SNX24: variants seen among roughly 807,000 people sequenced by gnomAD.
The protein encoded by SNX24 is sorting nexin-24.
SNX24 carries 22 observed loss-of-function variants against 28.7 expected under a neutral mutation model. That is an observed-to-expected ratio of 0.77 (90% confidence interval 0.55 to 1.10). The LOEUF is 1.10. Among genes scored for constraint, SNX24 ranks in the 50% least tolerant of loss-of-function variants. SNX24 has a pLI of 0.00. For missense variants in SNX24, 221 were observed against 201.1 expected, an observed-to-expected ratio of 1.10 and a Z score of -0.60; for synonymous variants, 69 against 71.5, an observed-to-expected ratio of 0.96 and a Z score of 0.18.
At chr5:123,017,840 A>C (rs77386525) in intron 5 of SNX24, among the ~76,000 whole-genome samples, 4 of 152,160 alleles carry the variant, frequency 2.6e-5, no homozygotes, top group Non-Finnish European at 5.9e-5. Context: ...CCCCAGCCTC[A>C]TGGAACTGTG....
At chr5:122,876,784 T>A (rs1194220135) in intron 1 of SNX24, among the ~76,000 whole-genome samples, 1 of 152,228 alleles carries the variant, frequency 6.6e-6, no homozygotes, top group Non-Finnish European at 1.5e-5. Flanking sequence ...GAAGACCTCC[T>A]GCAAGAGATG....
Position 122,885,302 on chromosome 5 carries a change from C to G in SNX24, c.60+39609C>G, listed in dbSNP as rs113219692. Among the ~76,000 whole-genome samples, 4 of 152,124 alleles carry G rather than the reference C, an allele frequency of 2.6e-5. No individual in the cohort carries two copies. In the East Asian group the frequency reaches 5.8e-4, roughly 22 times the overall value. ...TCTGTGTTCCCTCTAGAGCAGAAAC[C>G]TGTTGCCCACAGCCTAGCCAATGAG... On this transcript the variant is annotated intron_variant, in intron 1 of 6. Transcript: ENST00000261369.
In SNX24 at chr5:122,973,158, G is replaced by A. The variant is rs575939035; in HGVS notation, c.250-26754G>A. Among the ~76,000 whole-genome samples, 15 of 152,234 alleles carry A rather than the reference G, an allele frequency of 9.9e-5. No individual in the cohort carries two copies. In the South Asian group the frequency reaches 2.9e-3, roughly 29 times the overall value. ...TTCACAGGTTTTGACCACTCAGAGG[G>A]GTCCATCCACATACCTCTTCCCCAG... On this transcript the variant is annotated intron_variant, in intron 3 of 6. Transcript: ENST00000261369.
intron 1 of SNX24, among the ~76,000 whole-genome samples, chr5:122,884,772 T>G (rs375473176): frequency 1.4e-4 from 22 of 151,978 alleles, no homozygotes; most frequent in African/African-American, 4.6e-4. Flanking sequence ...GCTCTGTGGT[T>G]GCCGAGAGTG....
intron 5 of SNX24, chr5:123,028,869 C>G: frequency 6.3e-7 from 1 of 1,596,680 alleles, no homozygotes; most frequent in Non-Finnish European, 8.6e-7. Context: ...CATATCCTTT[C>G]TAAAGAGATT....
At position 123,015,035 on chromosome 5, in the gene SNX24, G is replaced by A. The variant is rs76531932; in HGVS notation, n.383+13031G>A. On this transcript the variant is annotated intron_variant and non_coding_transcript_variant, in intron 5 of 5. Transcript: ENST00000502387. Reference sequence around the variant, plus strand: ...CCCCACTCCATACCATTATTCTATTGTTGCTTCCTTCAGAGCTGCTATCAC... The same window carrying A: ...CCCCACTCCATACCATTATTCTATTATTGCTTCCTTCAGAGCTGCTATCAC... Among the ~76,000 whole-genome samples, 855 of 152,254 alleles carry A rather than the reference G, an allele frequency of 5.6e-3. 11 individuals carry two copies. The highest frequency in any genetic ancestry group is 0.019 in the African/African-American group (777 of 41,540).
rs990209305 is a variant in SNX24, at chr5:122,969,928, G to T, written c.249+23769G>T. 2.6e-5 allele frequency among the ~76,000 whole-genome samples: 4 copies of T among 151,750 alleles called. No homozygotes were observed. The South Asian group carries it at 8.3e-4, about 32-fold the overall frequency. On this transcript the variant is annotated intron_variant, in intron 3 of 6. Coordinates refer to ENST00000261369, the MANE Select transcript of SNX24 (RefSeq NM_014035.4). ...TACCCCTATTCAAGACTTTCTCCAC[G>T]GGCCTCTCTTGTACTATTTTGGAAA...
At chr5:122,961,702 A>G (rs1440626058) in intron 3 of SNX24, among the ~76,000 whole-genome samples, 1 of 152,184 alleles carries the variant, frequency 6.6e-6, no homozygotes, top group Non-Finnish European at 1.5e-5. Context: ...AGAAAAGCAA[A>G]CCACCATCCA....
chr5:122,951,687 A>C (rs1759949340), intron 3 of SNX24, among the ~76,000 whole-genome samples: 1 of 152,252 alleles, frequency 6.6e-6, no homozygotes, highest in Admixed American at 6.5e-5. Flanking sequence ...GGAAAAGAGA[A>C]GATCATCAAA....
intron 1 of SNX24, among the ~76,000 whole-genome samples, chr5:122,910,121 G>C (rs1757817640): frequency 6.6e-6 from 1 of 152,110 alleles, no homozygotes; most frequent in African/African-American, 2.4e-5. Context: ...CAGAGATAAA[G>C]TTTACTTGGG....
intron 1 of SNX24, among the ~76,000 whole-genome samples, 180 bp from the exon 2 acceptor site, chr5:122,936,554 C>A (rs1488042600): frequency 6.6e-6 from 1 of 151,882 alleles, no homozygotes; most frequent in African/African-American, 2.4e-5. Flanking sequence ...TGTTAGTGAG[C>A]CTTTGGTTCG....
At chr5:122,849,312 G>A (rs1754789287) in intron 1 of SNX24, among the ~76,000 whole-genome samples, 3 of 152,080 alleles carry the variant, frequency 2.0e-5, no homozygotes, top group Admixed American at 2.0e-4. Flanking sequence ...AAGATGGAAG[G>A]GTGGTGTTCC....
At chr5:122,880,493 C>CT (rs1756429471) in intron 1 of SNX24, among the ~76,000 whole-genome samples, 1 of 152,186 alleles carries the variant, frequency 6.6e-6, no homozygotes, top group African/African-American at 2.4e-5. Context: ...GATCACATCA[C>CT]TAAGTGAGGA....
At chr5:122,902,799 G>C (rs1367821429) in intron 1 of SNX24, among the ~76,000 whole-genome samples, 1 of 152,142 alleles carries the variant, frequency 6.6e-6, no homozygotes, top group East Asian at 1.9e-4. Context: ...TCCCCGTCTT[G>C]TCCCAGCTTA....
In SNX24 at chr5:122,938,531, T is replaced by C. The variant is rs192591843; in HGVS notation, c.144+1714T>C. On this transcript the variant is annotated intron_variant, in intron 2 of 6. Transcript: ENST00000261369. ...ATAAAAATAGCTTTGTGGAGCAGAG[T>C]TTTATTTGGGATACACTGTCTAATT... Among the ~76,000 whole-genome samples, 45 of 152,140 alleles carry C rather than the reference T, an allele frequency of 3.0e-4. 1 individual carries two copies. The highest frequency in any genetic ancestry group is 2.9e-5 in the Non-Finnish European group (2 of 67,996).
At chr5:122,956,416 A>G (rs1760220750) in intron 3 of SNX24, among the ~76,000 whole-genome samples, 1 of 147,878 alleles carries the variant, frequency 6.8e-6, no homozygotes. Flanking sequence ...ATACACAGCC[A>G]CCATATTTTT....
rs184052025 is a variant in SNX24, at chr5:122,855,347, C to T, written c.60+9654C>T. ...CCTCCCAAAGTGCTGGGATTACAGG[C>T]ATGAGCCACCACGCCCAGCCGACTG... On this transcript the variant is annotated intron_variant, in intron 1 of 6. Transcript: ENST00000261369. Among the ~76,000 whole-genome samples the T allele has an allele frequency of 5.5e-3, 845 of 152,306 alleles. 11 individuals are homozygous for T. The highest frequency in any genetic ancestry group is 0.018 in the African/African-American group (764 of 41,554).
In SNX24 at chr5:122,866,139, C is replaced by T. The variant is rs145924156; in HGVS notation, c.60+20446C>T. On this transcript the variant is annotated intron_variant, in intron 1 of 6. Transcript: ENST00000261369. ...TCTGTCACTGGTTGTGTGGTCATAG[C>T]TGGCATTGTTTATTTATGAATGAAT... is the stretch of plus-strand genomic sequence containing the variant. Among the ~76,000 whole-genome samples, 143 of 152,272 alleles carry T rather than the reference C, an allele frequency of 9.4e-4. 1 individual carries two copies. Among genetic ancestry groups the T allele is most frequent in the African/African-American group, 3.3e-3 (139 of 41,546 alleles).
chr5:122,847,500 C>CTATTTTTTTT (rs1274662856), intron 1 of SNX24, among the ~76,000 whole-genome samples: 1 of 36,974 alleles, frequency 2.7e-5, no homozygotes, highest in Non-Finnish European at 4.1e-5. Flanking sequence ...ATCTCTCTCT[C>CTATTTTTTTT]TCTTTTTTTT....
Sources: gnomAD v4.1 joint callset for allele counts (sites outside exome capture counted in the v4.1 genomes callset) on GRCh38, gnomAD v4.1.1 for gene constraint, MANE v1.5 for transcripts, NCBI Gene and HGNC (gene_info 2026-07-23, HGNC 2026-07-21) for gene names.